The following PTPRM variants were observed in gnomAD, a reference collection of about 807,000 sequenced individuals.
The protein encoded by PTPRM is protein tyrosine phosphatase receptor type M.
PTPRM carries 47 observed loss-of-function variants against 186.7 expected under a neutral mutation model. That is an observed-to-expected ratio of 0.25 (90% CI 0.20 to 0.32). The LOEUF is 0.32. PTPRM is among the 10% of genes least tolerant of loss of function. PTPRM has a pLI of 1.00. For missense variants in PTPRM, 1,494 were observed against 1,865.0 expected, an observed-to-expected ratio of 0.80 and a Z score of 3.66; for synonymous variants, 668 against 674.9, an observed-to-expected ratio of 0.99 and a Z score of 0.16.
At chr18:7,601,992 C>T (rs564372371) in intron 1 of PTPRM, among the ~76,000 whole-genome samples, 12 of 152,316 alleles carry the variant, frequency 7.9e-5, no homozygotes, top group African/African-American at 2.9e-4. Context: ...CTGTCACACA[C>T]AAATGCTTAC....
chr18:8,057,610 C>CA (rs2088119499), intron 7 of PTPRM, among the ~76,000 whole-genome samples: 1 of 104,136 alleles, frequency 9.6e-6, no homozygotes, highest in Non-Finnish European at 1.9e-5. Flanking sequence ...CCCCTCCCCC[C>CA]ACCCCACCAC....
intron 2 of PTPRM, among the ~76,000 whole-genome samples, chr18:7,864,255 T>A: frequency 1.3e-5 from 2 of 152,240 alleles, no homozygotes; most frequent in Non-Finnish European, 2.9e-5. Context: ...GGTGTTTTAG[T>A]CATGAAGTCT....
intron 5 of PTPRM, among the ~76,000 whole-genome samples, chr18:7,934,307 A>G (rs1262775803): frequency 1.4e-5 from 2 of 147,314 alleles, no homozygotes; most frequent in Non-Finnish European, 3.0e-5. Context: ...TGGCCTAGAG[A>G]TTGATATATT....
At chr18:7,654,017 G>C (rs573654322) in intron 1 of PTPRM, among the ~76,000 whole-genome samples, 1 of 152,106 alleles carries the variant, frequency 6.6e-6, no homozygotes, top group East Asian at 1.9e-4. Context: ...ATTCCGACTG[G>C]TGTGAGATGG....
At position 8,335,167 on chromosome 18, in the gene PTPRM, C is replaced by T. The variant is rs951648177; in HGVS notation, c.2957-8256C>T. 6.2e-4 allele frequency among the ~76,000 whole-genome samples: 94 copies of T among 152,248 alleles called. 1 individual carries two copies. The highest frequency in any genetic ancestry group is 2.1e-3 in the African/African-American group (87 of 41,548). The stretch of plus-strand genomic sequence containing the variant: ...GAATTTTACATTTCCTACAAGAGGG[C>T]CCCATGGGAGTCTCCTTCCCTCCCA... On this transcript the variant is annotated intron_variant, in intron 22 of 32. Coordinates refer to ENST00000580170, the MANE Select transcript of PTPRM (RefSeq NM_001105244.2).
chr18:8,400,656 C>T (rs1393058946), intron 32 of PTPRM, among the ~76,000 whole-genome samples: 1 of 152,190 alleles, frequency 6.6e-6, no homozygotes, highest in Non-Finnish European at 1.5e-5. Context: ...TCCTGATCTG[C>T]GGATCTGCCG....
At chr18:7,745,756 A>G (rs2144550164) in intron 1 of PTPRM, among the ~76,000 whole-genome samples, 1 of 152,366 alleles carries the variant, frequency 6.6e-6, no homozygotes, top group South Asian at 2.1e-4. Flanking sequence ...ATCTAGAAAA[A>G]GGAATTGAGA....
intron 14 of PTPRM, among the ~76,000 whole-genome samples, chr18:8,192,296 G>T (rs2093720091): frequency 6.6e-6 from 1 of 152,192 alleles, no homozygotes; most frequent in Admixed American, 6.5e-5. Context: ...CAGTGAGCAT[G>T]TATTACAACT....
At chr18:8,160,483 C>T (rs1396422930) in intron 14 of PTPRM, among the ~76,000 whole-genome samples, 2 of 152,112 alleles carry the variant, frequency 1.3e-5, no homozygotes, top group Non-Finnish European at 2.9e-5. Context: ...GTTGTAGAGA[C>T]AGGGTGTTGC....
intron 7 of PTPRM, among the ~76,000 whole-genome samples, chr18:7,998,574 A>G (rs2083679977): frequency 6.6e-6 from 1 of 152,222 alleles, no homozygotes; most frequent in Non-Finnish European, 1.5e-5. Flanking sequence ...AAAAGCATTA[A>G]ATATTTTAAA....
intron 23 of PTPRM, among the ~76,000 whole-genome samples, chr18:8,344,800 G>A (rs2095496632): frequency 6.6e-6 from 1 of 151,992 alleles, no homozygotes; most frequent in Non-Finnish European, 1.5e-5. Flanking sequence ...ACTGAGGGCA[G>A]GAAATAATGT....
intron 19 of PTPRM, among the ~76,000 whole-genome samples, chr18:8,276,954 T>C (rs978941060): frequency 2.0e-5 from 3 of 152,044 alleles, no homozygotes; most frequent in African/African-American, 4.8e-5. Flanking sequence ...AATTTTTTTT[T>C]TTTTTGAGAC....
intron 13 of PTPRM, among the ~76,000 whole-genome samples, chr18:8,136,521 A>G (rs1190184352): frequency 6.6e-6 from 1 of 150,764 alleles, no homozygotes; most frequent in Non-Finnish European, 1.5e-5. Flanking sequence ...ACAATCCATT[A>G]TCTCAGTCTT....
chr18:8,406,257 C>A lies in PTPRM; in HGVS notation c.*95C>A. ...AAAGAGATGAAGACTTCTCAATATG[C>A]TTATTTTGCTTTGCATAATTGGCTC... On this transcript the variant is annotated 3_prime_UTR_variant, in exon 33 of 33. Coordinates refer to ENST00000580170, the MANE Select transcript of PTPRM (RefSeq NM_001105244.2). The A allele has an allele frequency of 8.3e-7, 1 of 1,200,364 alleles. No homozygotes were observed. The highest frequency in any genetic ancestry group is 1.2e-6 in the Non-Finnish European group (1 of 839,086). The allele number at this position is 1,200,364 out of a possible 1,614,324, so 74.4% of individuals were successfully genotyped here.
intron 2 of PTPRM, among the ~76,000 whole-genome samples, chr18:7,874,116 T>TA (rs11400321): frequency 0.37 from 54,937 of 149,450 alleles, 11,132 homozygotes; most frequent in East Asian, 0.63. Context: ...GGAAAAGTTT[T>TA]AAAAAAAAAA....
intron 14 of PTPRM, among the ~76,000 whole-genome samples, chr18:8,234,677 G>C (rs1218245861): frequency 6.6e-6 from 1 of 152,126 alleles, no homozygotes. Flanking sequence ...TTGTGGGAAA[G>C]CTTTTATTTT....
At chr18:8,231,200 G>A (rs1028537626) in intron 14 of PTPRM, among the ~76,000 whole-genome samples, 1 of 152,172 alleles carries the variant, frequency 6.6e-6, no homozygotes, top group Non-Finnish European at 1.5e-5. Context: ...ACCTAGCATG[G>A]CAGGGTCTAT....
intron 25 of PTPRM, 86 bp from the exon 26 acceptor site, chr18:8,376,376 A>T (rs1210682101): frequency 1.3e-6 from 2 of 1,590,360 alleles, no homozygotes; most frequent in African/African-American, 2.7e-5. Flanking sequence ...TATATTATGT[A>T]AATTTCACCT....
chr18:7,824,389 C>T (rs1023984326), intron 2 of PTPRM, among the ~76,000 whole-genome samples: 27 of 152,096 alleles, frequency 1.8e-4, no homozygotes, highest in African/African-American at 6.3e-4. Context: ...ACCAGGCAGC[C>T]CAAGAGCAGG....
Sources: allele counts gnomAD v4.1 joint callset (sites outside exome capture counted in the v4.1 genomes callset), GRCh38; gene constraint gnomAD v4.1.1; transcripts MANE v1.5; gene names NCBI Gene and HGNC (gene_info 2026-07-23, HGNC 2026-07-21).